METAP2: variants seen among roughly 807,000 people sequenced by gnomAD.
METAP2 encodes the protein methionyl aminopeptidase 2.
In METAP2, 25 loss-of-function variants were observed where a neutral mutation model predicts 59.4. That is an observed-to-expected ratio of 0.42 (90% CI 0.31 to 0.59). The LOEUF is 0.59. Ranked by LOEUF, METAP2 falls within the 20% of genes least tolerant of loss-of-function variation. The probability of loss-of-function intolerance (pLI) is 0.16; values close to 1 mark genes in which losing one functional copy is unlikely to be tolerated. For synonymous variants in METAP2, 214 were observed against 194.1 expected, an observed-to-expected ratio of 1.10 and a Z score of -0.85; for missense variants, 366 against 581.2, an observed-to-expected ratio of 0.63 and a Z score of 3.81.
intron 1 of METAP2, among the ~76,000 whole-genome samples, chr12:95,475,102 G>C (rs1318286738): frequency 6.6e-6 from 1 of 152,150 alleles, no homozygotes; most frequent in Admixed American, 6.5e-5. Flanking sequence ...TGGATATTAT[G>C]AACTAGGAAC....
intron 3 of METAP2, chr12:95,484,697 C>G (rs947232602): frequency 2.8e-6 from 1 of 354,594 alleles, no homozygotes; most frequent in East Asian, 7.9e-5. Flanking sequence ...CATTATATTT[C>G]TTTATGAGGT....
intron 7 of METAP2, among the ~76,000 whole-genome samples, chr12:95,496,786 C>A (rs2076278270): frequency 6.8e-6 from 1 of 146,634 alleles, no homozygotes. Flanking sequence ...TTAAAATAGA[C>A]ATTACATAAA....
At chr12:95,509,688 G>A (rs1333284680) in intron 8 of METAP2, among the ~76,000 whole-genome samples, 5 of 152,136 alleles carry the variant, frequency 3.3e-5, no homozygotes, top group Non-Finnish European at 5.9e-5. Context: ...GAAGGTTGTT[G>A]TGAAGAGTGA....
At chr12:95,490,258 C>T (rs2140147438) in intron 4 of METAP2, among the ~76,000 whole-genome samples, 1 of 150,484 alleles carries the variant, frequency 6.6e-6, no homozygotes, top group South Asian at 2.1e-4. Flanking sequence ...TGTGCCACCA[C>T]ACCCGGCATA....
rs59794359 is a variant in METAP2 at position 95,506,296 on chromosome 12, C to CTT, written c.964+2152_964+2153dup. On this transcript the variant is annotated intron_variant, in intron 8 of 10. Transcript: ENST00000323666. ...TTTATTTTTATTTCTAATATATATGCTTTTTTTTTTTTTTTTTTGAGACGC... is the reference window on the plus strand; with the variant it reads ...TTTATTTTTATTTCTAATATATATGCTTTTTTTTTTTTTTTTTTTTGAGACGC... 1.0e-3 allele frequency among the ~76,000 whole-genome samples: 125 copies of CTT among 119,698 alleles called. 2 individuals carry two copies. The highest frequency in any genetic ancestry group is 1.7e-3 in the South Asian group (6 of 3,562). 78.5% of individuals were successfully genotyped at this position (119,698 alleles called of 152,430 possible).
intron 4 of METAP2, among the ~76,000 whole-genome samples, chr12:95,488,205 A>T (rs1415779387): frequency 6.6e-6 from 1 of 152,052 alleles, no homozygotes; most frequent in Non-Finnish European, 1.5e-5. Context: ...CATGTTTAAT[A>T]CTTCTGAGTT....
chr12:95,478,405 T>C (rs1371050856), intron 2 of METAP2, among the ~76,000 whole-genome samples: 2 of 151,900 alleles, frequency 1.3e-5, no homozygotes, highest in East Asian at 3.9e-4. Context: ...CTGAGGTGGG[T>C]GGATCACCTG....
intron 4 of METAP2, among the ~76,000 whole-genome samples, chr12:95,489,294 TACTC>T (rs2076220350): frequency 6.6e-6 from 1 of 152,216 alleles, no homozygotes; most frequent in African/African-American, 2.4e-5. Context: ...TCCTTTTCCT[TACTC>T]TAAGCTTCTA....
At chr12:95,481,185 C>A (rs533022262) in intron 2 of METAP2, among the ~76,000 whole-genome samples, 14 of 152,258 alleles carry the variant, frequency 9.2e-5, no homozygotes, top group African/African-American at 3.1e-4. Flanking sequence ...ATAATCCCAG[C>A]ACTTTGGGAG....
At chr12:95,476,649 GTATT>G (rs1338319482) in intron 2 of METAP2, among the ~76,000 whole-genome samples, 1 of 152,150 alleles carries the variant, frequency 6.6e-6, no homozygotes, top group African/African-American at 2.4e-5. Context: ...AAAGGAAAAG[GTATT>G]TATTAGCAAG....
intron 2 of METAP2, among the ~76,000 whole-genome samples, chr12:95,479,933 A>C (rs1290274849): frequency 6.6e-6 from 1 of 152,150 alleles, no homozygotes; most frequent in Non-Finnish European, 1.5e-5. Flanking sequence ...TTTTAAGTGT[A>C]TAGTTTGGTG....
In METAP2 at chr12:95,486,352, A is replaced by C. The variant is rs549960284; in HGVS notation, c.428+371A>C. 2.0e-5 allele frequency among the ~76,000 whole-genome samples: 3 copies of C among 152,154 alleles called. No homozygotes were observed. In the South Asian group the frequency reaches 6.2e-4, roughly 32 times the overall value. On this transcript the variant is annotated intron_variant, in intron 4 of 10. Transcript: ENST00000323666. Reference sequence around the variant, plus strand: ...GGATTTCTGAGTGATATAAGGGTTGATGTCTACTATATCTTTACTTTTTTT... The same window carrying C: ...GGATTTCTGAGTGATATAAGGGTTGCTGTCTACTATATCTTTACTTTTTTT...
At chr12:95,497,955 G>A (rs1358568304) in intron 7 of METAP2, among the ~76,000 whole-genome samples, 5 of 149,536 alleles carry the variant, frequency 3.3e-5, no homozygotes, top group Non-Finnish European at 4.4e-5. Context: ...GTGAAACCCC[G>A]TCTCTACTAA....
At chr12:95,483,481 A>C in intron 3 of METAP2, 1 of 409,534 alleles carries the variant, frequency 2.4e-6, no homozygotes, top group East Asian at 3.7e-5. Context: ...GTCTCAAAAA[A>C]AAAAAAAAAA....
At chr12:95,500,379 A>G (rs2076306493) in intron 7 of METAP2, among the ~76,000 whole-genome samples, 1 of 152,174 alleles carries the variant, frequency 6.6e-6, no homozygotes, top group African/African-American at 2.4e-5. Context: ...ATCCCAATTT[A>G]GATGCCTTTT....
At chr12:95,509,846 C>CCCCA in intron 8 of METAP2, among the ~76,000 whole-genome samples, 1 of 147,748 alleles carries the variant, frequency 6.8e-6, no homozygotes, top group Non-Finnish European at 1.5e-5. Flanking sequence ...TCCCCCCCAA[C>CCCCA]CTTTTTTTTT....
rs1414451921 is a variant in METAP2, at chr12:95,514,159, G to T, written c.*255G>T. On this transcript the variant is annotated 3_prime_UTR_variant, in exon 11 of 11. Coordinates refer to ENST00000323666, the MANE Select transcript of METAP2 (RefSeq NM_006838.4). The stretch of plus-strand genomic sequence containing the variant: ...GGAAAATGCTATAAAGCTCAAATTA[G>T]TTAGGAATGACTTATACGTTTTGTT... 4 of 467,744 alleles carry T rather than the reference G, an allele frequency of 8.6e-6. No individual in the cohort carries two copies. Among genetic ancestry groups the T allele is most frequent in the African/African-American group, 8.0e-5 (4 of 49,886 alleles). The allele number at this position is 467,744 out of a possible 1,614,324, so 29.0% of individuals were successfully genotyped here.
At chr12:95,492,132 T>TTGTGTG (rs61423721) in intron 4 of METAP2, among the ~76,000 whole-genome samples, 39,849 of 149,206 alleles carry the variant, frequency 0.27, 6,005 homozygotes, top group East Asian at 0.52. Flanking sequence ...ATATGTGTGT[T>TTGTGTG]TGTGTGTGTG....
chr12:95,494,880 T>G (rs938792355), intron 5 of METAP2, 77 bp from the exon 6 acceptor site: 4 of 1,194,912 alleles, frequency 3.3e-6, no homozygotes, highest in Non-Finnish European at 4.6e-6. Context: ...CTTTCTGGAC[T>G]TGATGAACTA....
Sources: allele counts gnomAD v4.1 joint callset (sites outside exome capture counted in the v4.1 genomes callset), GRCh38; gene constraint gnomAD v4.1.1; transcripts MANE v1.5; gene names NCBI Gene and HGNC (gene_info 2026-07-23, HGNC 2026-07-21).